Variants in TCF7L2 observed in about 807,000 individuals in gnomAD.
TCF7L2 encodes the protein transcription factor 7-like 2.
A neutral mutation model predicts 77.9 loss-of-function variants in TCF7L2; 23 were observed. The observed-to-expected ratio is 0.30, with a 90% confidence interval of 0.21 to 0.42. The LOEUF (loss-of-function observed/expected upper bound fraction) is 0.42. Ranked by LOEUF, TCF7L2 falls within the 10% of genes least tolerant of loss-of-function variation. The probability of loss-of-function intolerance (pLI) is 1.00; values close to 1 mark genes in which losing one functional copy is unlikely to be tolerated. For synonymous variants in TCF7L2, 413 were observed against 340.2 expected, an observed-to-expected ratio of 1.21 and a Z score of -2.36; for missense variants, 654 against 793.1, an observed-to-expected ratio of 0.82 and a Z score of 2.11.
intron 5 of TCF7L2, among the ~76,000 whole-genome samples, chr10:113,047,473 C>A (rs559507793): frequency 9.9e-5 from 15 of 152,150 alleles, no homozygotes; most frequent in Non-Finnish European, 1.9e-4. Context: ...CAAACGAAAT[C>A]ATTTCTTGAA....
Position 113,117,408 on chromosome 10 carries a change from T to C in TCF7L2, c.553-23776T>C, listed in dbSNP as rs1026231417. On this transcript the variant is annotated intron_variant, in intron 5 of 13. Coordinates refer to ENST00000627217, the MANE Select transcript of TCF7L2 (RefSeq NM_001146274.2). Reference sequence around the variant, plus strand: ...CTCTCTCTCTCTCTCTCTCTCTCTCTCTCTCTCTCTCTCTCTCTCTCTCTC... The same window carrying C: ...CTCTCTCTCTCTCTCTCTCTCTCTCCCTCTCTCTCTCTCTCTCTCTCTCTC... Among the ~76,000 whole-genome samples, 143 of 45,220 alleles carry C rather than the reference T, an allele frequency of 3.2e-3. 3 individuals carry two copies. Among genetic ancestry groups the C allele is most frequent in the Non-Finnish European group, 4.2e-3 (87 of 20,598 alleles). The allele number at this position is 45,220 out of a possible 152,430, so 29.7% of individuals were successfully genotyped here.
Position 113,114,930 on chromosome 10 carries a change from G to A in TCF7L2, c.553-26254G>A, listed in dbSNP as rs369665904. On this transcript the variant is annotated intron_variant, in intron 5 of 13. Transcript: ENST00000627217. ...GAAATGAAAGTAGGAAATAGGTACC[G>A]TCCAGTAAATCTTAATTAAGTTATT... 2.4e-4 allele frequency among the ~76,000 whole-genome samples: 37 copies of A among 152,284 alleles called. No individual in the cohort carries two copies. In the East Asian group the frequency reaches 5.2e-3, roughly 21 times the overall value.
At chr10:113,072,213 G>A (rs113181626) in intron 5 of TCF7L2, among the ~76,000 whole-genome samples, 8 of 150,518 alleles carry the variant, frequency 5.3e-5, no homozygotes, top group African/African-American at 1.5e-4. Context: ...CCGCCACCAC[G>A]CCCGACTAAT....
intron 3 of TCF7L2, among the ~76,000 whole-genome samples, chr10:112,962,543 G>C (rs1291390843): frequency 1.3e-5 from 2 of 152,158 alleles, no homozygotes; most frequent in Non-Finnish European, 2.9e-5. Flanking sequence ...AAAGGAGATA[G>C]GGACAAAGGG....
At chr10:113,143,052 C>G (rs4917646) in intron 6 of TCF7L2, among the ~76,000 whole-genome samples, 24,896 of 152,260 alleles carry the variant, frequency 0.16, 2,501 homozygotes, top group Middle Eastern at 0.33. Flanking sequence ...CTCCATTACT[C>G]TGTTTTAATT....
At chr10:113,127,885 T>TTTTC (rs2065913873) in intron 5 of TCF7L2, among the ~76,000 whole-genome samples, 2 of 145,820 alleles carry the variant, frequency 1.4e-5, no homozygotes, top group African/African-American at 2.8e-5. Flanking sequence ...TTTTTTTTTT[T>TTTTC]TTCCATTTTT....
intron 4 of TCF7L2, among the ~76,000 whole-genome samples, chr10:113,011,544 A>ATTACTACCTTGAGTATTGCTGTCAAGTG (rs2046449863): frequency 1.3e-5 from 2 of 152,178 alleles, no homozygotes; most frequent in Non-Finnish European, 2.9e-5. Flanking sequence ...GCTGTTGAGC[A>ATTACTACCTTGAGTATTGCTGTCAAGTG]TTACTACCTT....
At chr10:112,951,131 A>G (rs2134188451) in intron 1 of TCF7L2, 76 bp from the exon 2 acceptor site, 1 of 1,126,452 alleles carries the variant, frequency 8.9e-7, no homozygotes, top group Non-Finnish European at 1.3e-6. Context: ...GACCTCGCCG[A>G]TTCTTTTTCT....
intron 4 of TCF7L2, among the ~76,000 whole-genome samples, chr10:112,977,560 T>C (rs2039655302): frequency 6.6e-6 from 1 of 152,180 alleles, no homozygotes; most frequent in East Asian, 1.9e-4. Flanking sequence ...AAAATGTAGC[T>C]TGAACTGGCG....
At chr10:113,152,668 G>A (rs988221162) in intron 11 of TCF7L2, among the ~76,000 whole-genome samples, 1 of 152,160 alleles carries the variant, frequency 6.6e-6, no homozygotes, top group Non-Finnish European at 1.5e-5. Flanking sequence ...GAGAGAGGAG[G>A]CTGCAGTCCC....
At chr10:113,033,805 C>T (rs1038530147) in intron 4 of TCF7L2, among the ~76,000 whole-genome samples, 1 of 152,280 alleles carries the variant, frequency 6.6e-6, no homozygotes, top group South Asian at 2.1e-4. Flanking sequence ...TCTCCTATAC[C>T]TTCTGCATCT....
intron 5 of TCF7L2, among the ~76,000 whole-genome samples, chr10:113,066,373 A>C (rs1243630496): frequency 6.6e-6 from 1 of 152,166 alleles, no homozygotes; most frequent in Non-Finnish European, 1.5e-5. Flanking sequence ...CTCAAAAAAA[A>C]AAAAAAGTTA....
chr10:113,004,067 G>T (rs956077943), intron 4 of TCF7L2, among the ~76,000 whole-genome samples: 11 of 152,230 alleles, frequency 7.2e-5, no homozygotes, highest in African/African-American at 2.4e-4. Flanking sequence ...CAGGGAAGTT[G>T]ATTGCCCAGT....
chr10:113,160,325 A>G (rs1318478282), intron 12 of TCF7L2, among the ~76,000 whole-genome samples: 2 of 151,752 alleles, frequency 1.3e-5, no homozygotes, highest in African/African-American at 2.4e-5. Flanking sequence ...GTAGAAGCAA[A>G]TGACATCACC....
chr10:112,979,376 A>T (rs2040051181), intron 4 of TCF7L2, among the ~76,000 whole-genome samples: 1 of 152,228 alleles, frequency 6.6e-6, no homozygotes, highest in Non-Finnish European at 1.5e-5. Context: ...TTCCGGGCAC[A>T]TCTTTTATCC....
At chr10:113,007,567 C>T (rs558069784) in intron 4 of TCF7L2, among the ~76,000 whole-genome samples, 1 of 152,220 alleles carries the variant, frequency 6.6e-6, no homozygotes, top group Non-Finnish European at 1.5e-5. Context: ...GGTTGTGCTG[C>T]GTTGTGGCAG....
At chr10:113,038,937 A>G (rs1273607365) in intron 4 of TCF7L2, among the ~76,000 whole-genome samples, 1 of 152,206 alleles carries the variant, frequency 6.6e-6, no homozygotes, top group Non-Finnish European at 1.5e-5. Flanking sequence ...TTGCTTGAGG[A>G]GGTCTCCGAA....
At chr10:112,974,391 G>A (rs759825115) in intron 4 of TCF7L2, among the ~76,000 whole-genome samples, 4 of 152,128 alleles carry the variant, frequency 2.6e-5, no homozygotes, top group East Asian at 1.9e-4. Context: ...TATGGGCCAC[G>A]GCAGGTGGGC....
intron 3 of TCF7L2, among the ~76,000 whole-genome samples, chr10:112,959,992 T>C (rs1435349492): frequency 6.6e-6 from 1 of 151,956 alleles, no homozygotes; most frequent in African/African-American, 2.4e-5. Context: ...GTTTTTTTTT[T>C]TAATATAGAT....
Sources: gnomAD v4.1 joint callset for allele counts (sites outside exome capture counted in the v4.1 genomes callset) on GRCh38, gnomAD v4.1.1 for gene constraint, MANE v1.5 for transcripts, NCBI Gene and HGNC (gene_info 2026-07-23, HGNC 2026-07-21) for gene names.